SMG1: variants seen among roughly 807,000 people sequenced by gnomAD.
The protein encoded by SMG1 is SMG1 nonsense mediated mRNA decay associated PI3K related kinase.
A neutral mutation model predicts 419.9 loss-of-function variants in SMG1; 22 were observed. The observed-to-expected ratio is 0.05, with a 90% CI of 0.04 to 0.07. The LOEUF (loss-of-function observed/expected upper bound fraction) is 0.07, where lower values mean the gene tolerates loss of function less well. Among genes scored for constraint, SMG1 ranks in the 10% least tolerant of loss-of-function variants. The pLI, the probability that SMG1 is intolerant of heterozygous loss-of-function variation, is 1.00. For synonymous variants in SMG1, 1,538 were observed against 1,553.5 expected (o/e 0.99, Z 0.23); for missense variants, 3,185 against 4,342.0 (o/e 0.73, Z 7.49).
At chr16:18,817,960 G>C (rs868824201) in intron 56 of SMG1, among the ~76,000 whole-genome samples, 10 of 151,324 alleles carry the variant, frequency 6.6e-5, no homozygotes, top group Admixed American at 2.0e-4. Context: ...GGAGTATAGT[G>C]GCTTAATTAT....
intron 10 of SMG1, among the ~76,000 whole-genome samples, chr16:18,880,107 G>A (rs188297203): frequency 6.6e-6 from 1 of 152,224 alleles, no homozygotes; most frequent in Non-Finnish European, 1.5e-5. Context: ...GCTAGCTCTT[G>A]GGCTTTTGGG....
chr16:18,867,771 C>T (rs867792202), intron 22 of SMG1, among the ~76,000 whole-genome samples: 93 of 128,770 alleles, frequency 7.2e-4, no homozygotes, highest in Non-Finnish European at 1.1e-3. Flanking sequence ...TGCAGTGGTG[C>T]GATCTCGGTT....
In SMG1 at chr16:18,874,813, C is replaced by A. The variant is rs143652865; in HGVS notation, c.1890+1311G>T. 1.7e-3 allele frequency among the ~76,000 whole-genome samples: 199 copies of A among 118,236 alleles called. 1 individual carries two copies. The highest frequency in any genetic ancestry group is 6.0e-3 in the African/African-American group (189 of 31,252). The allele number at this position is 118,236 out of a possible 152,430, so 77.6% of individuals were successfully genotyped here. A position where few individuals can be genotyped will look rare whatever the true frequency, so the allele number is the denominator to read the frequency against. On this transcript the variant is annotated intron_variant, in intron 13 of 62. Coordinates refer to ENST00000446231, the MANE Select transcript of SMG1 (RefSeq NM_015092.5). ...CCCGGGAGGCAGAGGTGGCAGTGAG[C>A]CGAGATTGCACCACTGCACTCCAGC...
rs376869547 is a variant in SMG1 at position 18,807,644 on chromosome 16, G to A, written c.*1925C>T. 8 of 152,174 alleles carry A rather than the reference G, an allele frequency of 5.3e-5. No homozygotes were observed. The highest frequency in any genetic ancestry group is 2.0e-4 in the Admixed American group (3 of 15,278). 9.4% of individuals were successfully genotyped at this position (152,174 alleles called of 1,614,324 possible). ...GAATACAAAAAAGGCCCAGAGCTAT[G>A]TGGAATTTTTTCCTTAATACCTTTC... On this transcript the variant is annotated 3_prime_UTR_variant, in exon 63 of 63. Transcript: ENST00000446231.
intron 1 of SMG1, among the ~76,000 whole-genome samples, chr16:18,921,554 A>G (rs2038201677): frequency 6.6e-6 from 1 of 152,180 alleles, no homozygotes. Context: ...CTCTAGTTCC[A>G]TTTAATATTA....
chr16:18,806,632 C>CA lies in SMG1; in HGVS notation c.*2936dup, dbSNP rs1181798744. On this transcript the variant is annotated 3_prime_UTR_variant, in exon 63 of 63. Coordinates refer to ENST00000446231, the MANE Select transcript of SMG1 (RefSeq NM_015092.5). ...GGCAATTCTAGTAAATTAAAGACAG[C>CA]AAAAAACTTAAGATTGAACTTCAAT... The CA allele has an allele frequency of 6.6e-6, 1 of 152,052 alleles. No individual in the cohort carries two copies. The highest frequency in any genetic ancestry group is 1.5e-5 in the Non-Finnish European group (1 of 68,004). 9.4% of individuals were successfully genotyped at this position (152,052 alleles called of 1,614,324 possible).
chr16:18,814,877 C>CTTTT (rs10582593), intron 60 of SMG1, among the ~76,000 whole-genome samples: 2 of 123,978 alleles, frequency 1.6e-5, no homozygotes, highest in African/African-American at 6.1e-5. Context: ...CTCGCCCGGC[C>CTTTT]TTTTTTTTTT....
At chr16:18,907,280 CA>C (rs750585688) in intron 1 of SMG1, among the ~76,000 whole-genome samples, 257 of 138,754 alleles carry the variant, frequency 1.9e-3, no homozygotes, top group Middle Eastern at 3.5e-3. Flanking sequence ...AACTCCATCT[CA>C]AAAAAAAAAA....
chr16:18,845,354 C>T lies in SMG1; in HGVS notation c.6219+75G>A, dbSNP rs2034197701. The T allele has an allele frequency of 4.0e-6, 5 of 1,247,622 alleles. No homozygotes were observed. The Admixed American group carries it at 1.1e-4, about 27-fold the overall frequency. The allele number at this position is 1,247,622 out of a possible 1,614,324, so 77.3% of individuals were successfully genotyped here. A position where few individuals can be genotyped will look rare whatever the true frequency, so the allele number is the denominator to read the frequency against. On this transcript the variant is annotated intron_variant, in intron 39 of 62. Transcript: ENST00000446231. ...ATCTCTTACATTCCAAGTAAGAAGT[C>T]CACTTATTGAAATTTCGTATCTCAT...
chr16:18,853,772 T>C lies in SMG1; in HGVS notation c.4579A>G (p.Thr1527Ala), dbSNP rs1257556069. The C allele has an allele frequency of 2.0e-5, 33 of 1,613,898 alleles. No homozygotes were observed. The highest frequency in any genetic ancestry group is 2.8e-5 in the Non-Finnish European group (33 of 1,179,854). ...AEYAVAKSIL[T>A]LAKWIQAEWK... The stretch of plus-strand genomic sequence containing the variant: ...TCTGCCTGGATCCATTTAGCCAGTG[T>C]CAGAATTGATTTAGCAACTGCATAT... The change falls in exon 31 of 63, where the codon ACA becomes GCA. Residue 1527 changes from threonine (T) to alanine (A), a missense_variant. Coordinates refer to ENST00000446231, the MANE Select transcript of SMG1 (RefSeq NM_015092.5).
intron 39 of SMG1, among the ~76,000 whole-genome samples, chr16:18,843,167 A>G (rs191132946): frequency 2.2e-4 from 34 of 152,366 alleles, no homozygotes; most frequent in African/African-American, 7.0e-4. Flanking sequence ...TCAGGTCGAC[A>G]AAACTTTAAA....
At chr16:18,857,785 C>T (rs560933349) in intron 29 of SMG1, 3 of 161,080 alleles carry the variant, frequency 1.9e-5, no homozygotes, top group African/African-American at 7.2e-5. Flanking sequence ...TAGAACTCTA[C>T]TCAATAATAA....
At chr16:18,891,919 C>T (rs1456802183) in intron 4 of SMG1, among the ~76,000 whole-genome samples, 2 of 152,210 alleles carry the variant, frequency 1.3e-5, no homozygotes, top group African/African-American at 4.8e-5. Context: ...TCTTCCACCT[C>T]AGCCAGGTGT....
chr16:18,894,056 CATAAATAAATAAATAA>C (rs5816014), intron 3 of SMG1, among the ~76,000 whole-genome samples: 24 of 144,640 alleles, frequency 1.7e-4, no homozygotes, highest in African/African-American at 2.8e-4. Context: ...TACTCCATCT[CATAAATAAATAAATAA>C]ATAAATAAAT....
At chr16:18,839,369 G>T (rs2033776322) in intron 42 of SMG1, among the ~76,000 whole-genome samples, 1 of 151,958 alleles carries the variant, frequency 6.6e-6, no homozygotes, top group Non-Finnish European at 1.5e-5. Flanking sequence ...GTAGGCCCCA[G>T]TGTCTGTTGT....
At chr16:18,863,963 C>T (rs1333404150) in intron 24 of SMG1, 39 bp downstream of exon 24, 1 of 1,551,492 alleles carries the variant, frequency 6.4e-7, no homozygotes, top group Non-Finnish European at 8.7e-7. Context: ...AAATATATTA[C>T]TATAACTTTT....
chr16:18,873,202 G>C (rs554216705), intron 13 of SMG1, among the ~76,000 whole-genome samples: 34 of 152,090 alleles, frequency 2.2e-4, no homozygotes, highest in African/African-American at 7.7e-4. Context: ...ACAGGAATGA[G>C]AGTACCTGTG....
chr16:18,838,267 C>T (rs764679222), intron 44 of SMG1, 35 bp from the exon 45 acceptor site: 3 of 1,609,482 alleles, frequency 1.9e-6, no homozygotes, highest in Non-Finnish European at 2.5e-6. Flanking sequence ...TAAGGTCTGC[C>T]ACAAGTTTCA....
At chr16:18,889,073 C>T (rs1188080411) in intron 6 of SMG1, among the ~76,000 whole-genome samples, 2 of 126,478 alleles carry the variant, frequency 1.6e-5, no homozygotes, top group Non-Finnish European at 3.4e-5. Context: ...ATCCGCCTGC[C>T]TCGGCCTCCC....
Sources: allele counts gnomAD v4.1 joint callset (sites outside exome capture counted in the v4.1 genomes callset), GRCh38; gene constraint gnomAD v4.1.1; transcripts MANE v1.5; gene names NCBI Gene and HGNC (gene_info 2026-07-23, HGNC 2026-07-21).